The following PPARGC1A variants were observed in gnomAD, a reference collection of about 807,000 sequenced individuals.
PPARGC1A encodes PPARG coactivator 1 alpha.
PPARGC1A carries 25 observed loss-of-function variants against 88.7 expected under a neutral mutation model. The ratio of observed to expected loss-of-function variants is 0.28; its 90% confidence interval spans 0.21 to 0.39. PPARGC1A has a LOEUF of 0.39. Ranked by LOEUF, PPARGC1A falls within the 10% of genes least tolerant of loss-of-function variation. The pLI is 1.00. For synonymous variants in PPARGC1A, 363 were observed against 355.6 expected (o/e 1.02, Z -0.24); for missense variants, 880 against 968.7 (o/e 0.91, Z 1.22).
the PPARGC1A span, among the ~76,000 whole-genome samples, chr4:23,995,453 T>C: frequency 6.6e-6 from 1 of 152,196 alleles, no homozygotes; most frequent in Non-Finnish European, 1.5e-5. Context: ...TCCTGCTTAA[T>C]ATCCCTCAGT....
chr4:24,307,212 A>C, the PPARGC1A span, among the ~76,000 whole-genome samples: 3 of 152,174 alleles, frequency 2.0e-5, no homozygotes, highest in Admixed American at 6.5e-5. Context: ...AGTACCATGG[A>C]AAGGGGATCA....
At chr4:24,386,923 G>A in the PPARGC1A span, among the ~76,000 whole-genome samples, 26 of 152,214 alleles carry the variant, frequency 1.7e-4, no homozygotes, top group African/African-American at 4.6e-4. Context: ...AACAGAGCCC[G>A]TATAGCAAAG....
the PPARGC1A span, among the ~76,000 whole-genome samples, chr4:24,184,111 T>C: frequency 7.3e-4 from 111 of 152,296 alleles, 1 homozygote; most frequent in East Asian, 0.02. Context: ...TACCTGGAAT[T>C]GGGGATGAAA....
the PPARGC1A span, among the ~76,000 whole-genome samples, chr4:24,403,311 G>A: frequency 6.6e-6 from 1 of 152,302 alleles, no homozygotes; most frequent in East Asian, 1.9e-4. Context: ...CAAAATCAAA[G>A]CCTAAAGTCA....
chr4:24,335,243 T>TTGAG, the PPARGC1A span, among the ~76,000 whole-genome samples: 1 of 152,164 alleles, frequency 6.6e-6, no homozygotes, highest in Non-Finnish European at 1.5e-5. Flanking sequence ...TAGCATGTCA[T>TTGAG]TGAGTCTTTA....
the PPARGC1A span, among the ~76,000 whole-genome samples, chr4:24,336,059 T>C: frequency 6.6e-6 from 1 of 152,150 alleles, no homozygotes; most frequent in Non-Finnish European, 1.5e-5. Context: ...CCCCCGTTTT[T>C]ATGCCTCATG....
chr4:23,958,867 T>C, the PPARGC1A span, among the ~76,000 whole-genome samples: 2 of 152,156 alleles, frequency 1.3e-5, no homozygotes, highest in Admixed American at 1.3e-4. Flanking sequence ...TAGAATACTA[T>C]TTGCCTTAGT....
At chr4:24,233,405 C>G in the PPARGC1A span, among the ~76,000 whole-genome samples, 2 of 152,008 alleles carry the variant, frequency 1.3e-5, no homozygotes, top group East Asian at 1.9e-4. Context: ...CTCCTTCTCT[C>G]TCTATCAAAT....
At chr4:24,379,386 T>C in the PPARGC1A span, among the ~76,000 whole-genome samples, 565 of 152,228 alleles carry the variant, frequency 3.7e-3, 6 homozygotes, top group African/African-American at 0.013. Flanking sequence ...AGGGTGACTA[T>C]AGTTAGCAAC....
At chr4:24,072,405 G>C in the PPARGC1A span, among the ~76,000 whole-genome samples, 1 of 151,840 alleles carries the variant, frequency 6.6e-6, no homozygotes, top group Admixed American at 6.6e-5. Context: ...GAGAGAAACA[G>C]GTGGGGTTAC....
chr4:23,980,787 A>G, the PPARGC1A span, among the ~76,000 whole-genome samples: 1 of 152,166 alleles, frequency 6.6e-6, no homozygotes, highest in Non-Finnish European at 1.5e-5. Context: ...AGTGGAGCCT[A>G]TATTTTCAGG....
At chr4:24,338,059 C>T in the PPARGC1A span, among the ~76,000 whole-genome samples, 1 of 152,106 alleles carries the variant, frequency 6.6e-6, no homozygotes, top group Admixed American at 6.6e-5. Context: ...CTAGCCTTGC[C>T]ATTTGGCTAT....
At chr4:24,077,624 GGTGTGTGTGTGT>G in the PPARGC1A span, among the ~76,000 whole-genome samples, 177 of 130,958 alleles carry the variant, frequency 1.4e-3, no homozygotes, top group African/African-American at 3.4e-3. Context: ...TGTGTCTAGG[GGTGTGTGTGTGT>G]GTGTGTGTGT....
At chr4:24,265,779 G>A in the PPARGC1A span, among the ~76,000 whole-genome samples, 6 of 151,850 alleles carry the variant, frequency 4.0e-5, no homozygotes, top group Admixed American at 6.6e-5. Flanking sequence ...TGTTCCTCAC[G>A]TGCTTAGAAT....
the PPARGC1A span, among the ~76,000 whole-genome samples, chr4:24,346,197 G>T: frequency 6.6e-6 from 1 of 152,072 alleles, no homozygotes; most frequent in African/African-American, 2.4e-5. Context: ...TTTTGTTAAG[G>T]ATTTTAGCAT....
At chr4:24,328,132 G>A in the PPARGC1A span, among the ~76,000 whole-genome samples, 8 of 151,806 alleles carry the variant, frequency 5.3e-5, no homozygotes, top group East Asian at 5.8e-4. Context: ...GACTCAGCCC[G>A]CCTGCACCCA....
chr4:24,225,500 A>T, the PPARGC1A span, among the ~76,000 whole-genome samples: 1 of 151,844 alleles, frequency 6.6e-6, no homozygotes, highest in Admixed American at 6.6e-5. Context: ...ACTGCACTCC[A>T]GCCTGGGTGA....
chr4:24,090,723 C>T, the PPARGC1A span, among the ~76,000 whole-genome samples: 1,935 of 152,226 alleles, frequency 0.013, 40 homozygotes, highest in African/African-American at 0.038. Context: ...TAAATGGCAA[C>T]GCAGTGGATG....
the PPARGC1A span, among the ~76,000 whole-genome samples, chr4:24,232,062 C>T: frequency 2.0e-5 from 3 of 152,124 alleles, no homozygotes; most frequent in African/African-American, 4.8e-5. Flanking sequence ...CCATGAAACA[C>T]GTTTTTGAAA....
Sources: allele counts gnomAD v4.1 joint callset (sites outside exome capture counted in the v4.1 genomes callset), GRCh38; gene constraint gnomAD v4.1.1; transcripts MANE v1.5; gene names NCBI Gene and HGNC (gene_info 2026-07-23, HGNC 2026-07-21).